Variants in SND1 observed in about 807,000 individuals in gnomAD.
SND1 encodes staphylococcal nuclease and tudor domain containing 1, also known as staphylococcal nuclease domain-containing protein 1.
In SND1, 38 loss-of-function variants were observed where a neutral mutation model predicts 121.7. The observed-to-expected ratio is 0.31, with a 90% CI of 0.24 to 0.41. The LOEUF is 0.41. Among genes scored for constraint, SND1 ranks in the 10% least tolerant of loss-of-function variants. The pLI is 1.00. For missense variants in SND1, 868 were observed against 1,184.6 expected, an observed-to-expected ratio of 0.73 and a Z score of 3.92; for synonymous variants, 401 against 447.4, an observed-to-expected ratio of 0.90 and a Z score of 1.31.
chr7:128,020,580 C>T (rs775687331), intron 16 of SND1, among the ~76,000 whole-genome samples: 6 of 152,180 alleles, frequency 3.9e-5, no homozygotes, highest in Non-Finnish European at 5.9e-5. Flanking sequence ...CTCCATATCC[C>T]GGAAGTTAGG....
At chr7:127,740,810 G>C (rs915864913) in intron 10 of SND1, among the ~76,000 whole-genome samples, 2 of 152,144 alleles carry the variant, frequency 1.3e-5, no homozygotes, top group Non-Finnish European at 2.9e-5. Flanking sequence ...GTGGAAATCT[G>C]GTGAGATTGA....
chr7:127,913,973 G>A (rs149387047), intron 14 of SND1, among the ~76,000 whole-genome samples: 260 of 152,324 alleles, frequency 1.7e-3, no homozygotes, highest in African/African-American at 5.9e-3. Context: ...ACTCCTTGCA[G>A]TGTTAACATC....
At chr7:127,743,224 A>G (rs531122730) in intron 10 of SND1, among the ~76,000 whole-genome samples, 2 of 152,318 alleles carry the variant, frequency 1.3e-5, no homozygotes, top group East Asian at 3.9e-4. Context: ...AAATCCCACA[A>G]ACCTGCCAGG....
chr7:127,973,765 T>G (rs1802054594), intron 15 of SND1, among the ~76,000 whole-genome samples: 1 of 152,258 alleles, frequency 6.6e-6, no homozygotes, highest in Non-Finnish European at 1.5e-5. Context: ...GACACCATAT[T>G]ACTCCCCCTT....
chr7:127,904,870 G>T (rs1223383173), intron 14 of SND1, 51 bp downstream of exon 14: 1 of 1,150,096 alleles, frequency 8.7e-7, no homozygotes, highest in Non-Finnish European at 1.3e-6. Flanking sequence ...TCAAGAGCGT[G>T]TCTGCATATT....
chr7:127,745,858 C>CT (rs1414021951), intron 10 of SND1, among the ~76,000 whole-genome samples: 1 of 152,178 alleles, frequency 6.6e-6, no homozygotes, highest in Non-Finnish European at 1.5e-5. Flanking sequence ...CCTGGGTGGC[C>CT]TGGGCCATTT....
At chr7:127,948,728 G>C (rs1408855396) in intron 15 of SND1, among the ~76,000 whole-genome samples, 1 of 152,158 alleles carries the variant, frequency 6.6e-6, no homozygotes, top group East Asian at 1.9e-4. Flanking sequence ...AGCTTCTTTG[G>C]GGCAAGCTGC....
At chr7:128,024,824 G>T (rs1198009734) in intron 16 of SND1, among the ~76,000 whole-genome samples, 1 of 152,178 alleles carries the variant, frequency 6.6e-6, no homozygotes, top group Non-Finnish European at 1.5e-5. Flanking sequence ...GGTAGATACA[G>T]TGGAGAAGAG....
chr7:128,028,901 G>C, intron 16 of SND1: 1 of 1,613,400 alleles, frequency 6.2e-7, no homozygotes, highest in Non-Finnish European at 8.5e-7. Context: ...TTGCTGCTGC[G>C]GATGTTGCTG....
chr7:127,719,254 C>T (rs1039544957), intron 9 of SND1, among the ~76,000 whole-genome samples: 1 of 152,180 alleles, frequency 6.6e-6, no homozygotes, highest in Non-Finnish European at 1.5e-5. Context: ...CAACCCACTA[C>T]TGGAATTCCA....
intron 11 of SND1, among the ~76,000 whole-genome samples, chr7:127,821,039 G>C (rs1798537664): frequency 6.6e-6 from 1 of 152,300 alleles, no homozygotes; most frequent in South Asian, 2.1e-4. Context: ...GTTGGCCTTG[G>C]ATCCTCCCGA....
At chr7:127,708,045 G>C (rs1796232418) in intron 9 of SND1, among the ~76,000 whole-genome samples, 1 of 152,062 alleles carries the variant, frequency 6.6e-6, no homozygotes, top group South Asian at 2.1e-4. Flanking sequence ...TACTCAGTAG[G>C]AACCACATTT....
At chr7:127,893,652 A>G (rs1584647065) in intron 13 of SND1, among the ~76,000 whole-genome samples, 1 of 152,124 alleles carries the variant, frequency 6.6e-6, no homozygotes, top group African/African-American at 2.4e-5. Context: ...GTCATACATA[A>G]TGAAGTTAGG....
In SND1 at chr7:127,887,977, A is replaced by G; in HGVS notation, c.1419A>G (p.Ser473=). 4 of 1,612,310 alleles carry G rather than the reference A, an allele frequency of 2.5e-6. No individual in the cohort carries two copies. The highest frequency in any genetic ancestry group is 3.4e-6 in the Non-Finnish European group (4 of 1,178,908). Reference sequence around the variant, plus strand: ...ACCGGCAGGATGATGACCAGAGATCATCACACTACGATGAACTGCTTGCTG... The same window carrying G: ...ACCGGCAGGATGATGACCAGAGATCGTCACACTACGATGAACTGCTTGCTG... ...IRYRQDDDQR[S]SHYDELLAAE... The change falls in exon 13 of 24, where the codon TCA becomes TCG. Residue 473 remains serine (S), a synonymous_variant. Transcript: ENST00000354725.
At chr7:127,971,545 ATCT>A (rs1048833298) in intron 15 of SND1, among the ~76,000 whole-genome samples, 1 of 152,128 alleles carries the variant, frequency 6.6e-6, no homozygotes, top group Non-Finnish European at 1.5e-5. Context: ...GTACAAGGTA[ATCT>A]TCTCTTCAGA....
At chr7:128,017,821 G>T (rs1803258883) in intron 16 of SND1, among the ~76,000 whole-genome samples, 1 of 152,212 alleles carries the variant, frequency 6.6e-6, no homozygotes, top group South Asian at 2.1e-4. Flanking sequence ...CTTGGTTGTT[G>T]GTTTCCACAT....
At chr7:127,824,045 A>G (rs1176589395) in intron 11 of SND1, among the ~76,000 whole-genome samples, 1 of 152,246 alleles carries the variant, frequency 6.6e-6, no homozygotes, top group African/African-American at 2.4e-5. Flanking sequence ...AAAATGAAGC[A>G]GAAATGCTGC....
intron 11 of SND1, among the ~76,000 whole-genome samples, chr7:127,811,203 G>A (rs1230489370): frequency 6.6e-6 from 1 of 152,096 alleles, no homozygotes; most frequent in Admixed American, 6.5e-5. Context: ...CTTAGAATTG[G>A]GCATTTTTCT....
intron 11 of SND1, 48 bp from the exon 12 acceptor site, chr7:127,844,276 C>G: frequency 6.8e-7 from 1 of 1,475,278 alleles, no homozygotes; most frequent in Non-Finnish European, 9.4e-7. Flanking sequence ...TGCTAGTGAG[C>G]TATGTTGCAG....
Sources: allele counts gnomAD v4.1 joint callset (sites outside exome capture counted in the v4.1 genomes callset), GRCh38; gene constraint gnomAD v4.1.1; transcripts MANE v1.5; gene names NCBI Gene and HGNC (gene_info 2026-07-23, HGNC 2026-07-21).